Variants in PPFIA4 observed in about 807,000 individuals in gnomAD.
The protein encoded by PPFIA4 is PPFI scaffold protein A4, also known as liprin-alpha-4.
Under a neutral mutation model 145.7 loss-of-function variants are expected in PPFIA4, and 98 were observed. The observed-to-expected ratio is 0.67, with a 90% CI of 0.57 to 0.80. The LOEUF is 0.80. Ranked by LOEUF, PPFIA4 falls within the 30% of genes least tolerant of loss-of-function variation. The pLI, the probability that PPFIA4 is intolerant of heterozygous loss-of-function variation, is 0.00. For synonymous variants in PPFIA4, 628 were observed against 649.6 expected (o/e 0.97, Z 0.51); for missense variants, 1,457 against 1,632.7 (o/e 0.89, Z 1.85).
In PPFIA4 at chr1:203,043,152, T is replaced by G. The variant is rs1385083951; in HGVS notation, c.235-245T>G. On this transcript the variant is annotated intron_variant, in intron 2 of 29. Coordinates refer to ENST00000295706, the MANE Select transcript of PPFIA4 (RefSeq NM_001304331.2). This position sits in a 1 kb window ranked among gnomAD's most constrained non-coding sequence, Gnocchi z 4.4. ...AGACTCAGTGACTTTCTCACTCTTGTGTACAACTCTGTTCCCTTGGATTCT... is the reference window on the plus strand; with the variant it reads ...AGACTCAGTGACTTTCTCACTCTTGGGTACAACTCTGTTCCCTTGGATTCT... Among the ~76,000 whole-genome samples, 1 of 152,236 alleles carries G rather than the reference T, an allele frequency of 6.6e-6. No individual in the cohort carries two copies. The highest frequency in any genetic ancestry group is 1.5e-5 in the Non-Finnish European group (1 of 68,046).
Position 203,060,672 on chromosome 1 carries a change from G to A in PPFIA4, c.2784+255G>A, listed in dbSNP as rs1348808860. ...ATCCCTACTCTGCCAAAATTTCCAC[G>A]TCTCTGGGCAGTTTCCAGGATGGGC... is the stretch of plus-strand genomic sequence containing the variant. On this transcript the variant is annotated intron_variant, in intron 22 of 29. Transcript: ENST00000295706. The surrounding 1 kb of genome is among the most constrained non-coding windows in gnomAD (Gnocchi z 4.8). Among the ~76,000 whole-genome samples the A allele has an allele frequency of 3.3e-5, 5 of 152,262 alleles. No individual in the cohort carries two copies. Among genetic ancestry groups the A allele is most frequent in the South Asian group, 2.1e-4 (1 of 4,822 alleles).
At position 203,076,533 on chromosome 1, in the gene PPFIA4, T is replaced by G; in HGVS notation, c.*143T>G. On this transcript the variant is annotated 3_prime_UTR_variant, in exon 30 of 30. Transcript: ENST00000295706. Reference sequence around the variant, plus strand: ...TGCCCTGGATCTCAGAATATATTCGTCCACCCCCTCGGCACCCCATTACCC... The same window carrying G: ...TGCCCTGGATCTCAGAATATATTCGGCCACCCCCTCGGCACCCCATTACCC... 1 of 801,062 alleles carries G rather than the reference T, an allele frequency of 1.2e-6. No individual in the cohort carries two copies. The highest frequency in any genetic ancestry group is 2.0e-6 in the Non-Finnish European group (1 of 488,364). The allele number at this position is 801,062 out of a possible 1,614,324, so 49.6% of individuals were successfully genotyped here.
intron 1 of PPFIA4, among the ~76,000 whole-genome samples, chr1:203,036,281 G>A (rs1199169681): frequency 6.6e-6 from 1 of 152,260 alleles, no homozygotes; most frequent in East Asian, 1.9e-4. Context: ...TCTTGTAGCC[G>A]AAGCCTCAGT....
At chr1:203,051,069 C>G in intron 13 of PPFIA4, 2 of 915,656 alleles carry the variant, frequency 2.2e-6, no homozygotes, top group Non-Finnish European at 2.6e-6. Flanking sequence ...CTCAAGGGTT[C>G]CAAGTAGGAA....
Position 203,056,378 on chromosome 1 carries a change from C to G in PPFIA4, c.2110C>G (p.Pro704Ala). 1.9e-6 allele frequency: 3 copies of G among 1,613,798 alleles called. No homozygotes were observed. The highest frequency in any genetic ancestry group is 2.5e-6 in the Non-Finnish European group (3 of 1,179,764). ...GACGGCTCCACTGTCTGTTCAGTCGCCAGTGTCTCGGGAAGAGAACCGAGA... is the reference window on the plus strand; with the variant it reads ...GACGGCTCCACTGTCTGTTCAGTCGGCAGTGTCTCGGGAAGAGAACCGAGA... ...LRKHRRKLLS[P>A]VSREENREDK... Residue 704 changes from proline to alanine, a missense_variant, in exon 18 of 30, where the codon CCA becomes GCA. Pro to Ala is a conservative substitution (Grantham distance 27, BLOSUM62 -1). Coordinates refer to ENST00000295706, the MANE Select transcript of PPFIA4 (RefSeq NM_001304331.2).
chr1:203,041,511 G>A (rs1659692084), intron 2 of PPFIA4, among the ~76,000 whole-genome samples: 1 of 152,216 alleles, frequency 6.6e-6, no homozygotes, highest in Admixed American at 6.5e-5. Context: ...AGGATCGCCT[G>A]AGCCCAGGAG....
At position 203,043,835 on chromosome 1, in the gene PPFIA4, C is replaced by A; in HGVS notation, c.337-96C>A. The A allele has an allele frequency of 7.8e-7, 1 of 1,278,624 alleles. No homozygotes were observed. The allele number at this position is 1,278,624 out of a possible 1,614,324, so 79.2% of individuals were successfully genotyped here. A position where few individuals can be genotyped will look rare whatever the true frequency, so the allele number is the denominator to read the frequency against. On this transcript the variant is annotated intron_variant, in intron 3 of 29. Transcript: ENST00000295706. This position sits in a 1 kb window ranked among gnomAD's most constrained non-coding sequence, Gnocchi z 4.4. ...TGTTTTCACAGTGGGGTGGCTGTAACTCATGTCTGCTCGGGGATCACATGG... is the reference window on the plus strand; with the variant it reads ...TGTTTTCACAGTGGGGTGGCTGTAAATCATGTCTGCTCGGGGATCACATGG...
rs185943177 is a variant in PPFIA4, at chr1:203,048,818, G to A, written c.1357-100G>A. On this transcript the variant is annotated intron_variant, in intron 11 of 29. Coordinates refer to ENST00000295706, the MANE Select transcript of PPFIA4 (RefSeq NM_001304331.2). This position sits in a 1 kb window ranked among gnomAD's most constrained non-coding sequence, Gnocchi z 5.8. Reference sequence around the variant, plus strand: ...CAGGCGGGGTCTCAATGGGGTGGGTGGCCAGCCTGGAGAGGTGGGGCTGAG... The same window carrying A: ...CAGGCGGGGTCTCAATGGGGTGGGTAGCCAGCCTGGAGAGGTGGGGCTGAG... The A allele has an allele frequency of 2.1e-4, 322 of 1,530,298 alleles. 2 individuals carry two copies. In the East Asian group the frequency reaches 6.2e-3, roughly 29 times the overall value. 94.8% of individuals were successfully genotyped at this position (1,530,298 alleles called of 1,614,324 possible).
intron 28 of PPFIA4, among the ~76,000 whole-genome samples, chr1:203,072,766 T>C (rs1662258927): frequency 6.6e-6 from 1 of 152,348 alleles, no homozygotes. Context: ...CTATAAGGAA[T>C]ACACAGAATT....
chr1:203,048,775 G>A lies in PPFIA4; in HGVS notation c.1356+61G>A. 3 of 1,566,872 alleles carry A rather than the reference G, an allele frequency of 1.9e-6. No individual in the cohort carries two copies. The highest frequency in any genetic ancestry group is 2.6e-6 in the Non-Finnish European group (3 of 1,154,736). The stretch of plus-strand genomic sequence containing the variant: ...AGTGCTGGGTGTGGGGCGGGGGGAG[G>A]CGGGACTGTGATGGGCGCAGGCGGG... On this transcript the variant is annotated intron_variant, in intron 11 of 29. Transcript: ENST00000295706. This position sits in a 1 kb window ranked among gnomAD's most constrained non-coding sequence, Gnocchi z 5.8.
In PPFIA4 at chr1:203,067,707, G is replaced by A. The variant is rs1265770129; in HGVS notation, c.3063G>A (p.Gln1021=). ...MVDSFHRTSL[Q]YGIMCLKRLN... is the part of the protein sequence containing the mutation. ...TGTGTGCCTGCAGAACCAGTCTTCA[G>A]TATGGCATCATGTGTCTGAAGAGGC... Residue 1021 remains glutamine, a synonymous_variant, in exon 26 of 30, where the codon CAG becomes CAA. Transcript: ENST00000295706. The A allele has an allele frequency of 6.8e-6, 11 of 1,613,770 alleles. No individual in the cohort carries two copies. The highest frequency in any genetic ancestry group is 1.3e-5 in the African/African-American group (1 of 74,910).
At position 203,045,403 on chromosome 1, in the gene PPFIA4, C is replaced by T; in HGVS notation, c.702C>T (p.Leu234=). 6.2e-7 allele frequency: 1 copy of T among 1,607,620 alleles called. No individual in the cohort carries two copies. The highest frequency in any genetic ancestry group is 8.5e-7 in the Non-Finnish European group (1 of 1,177,772). The change falls in exon 7 of 30, where the codon CTC becomes CTT. Residue 234 remains leucine, a synonymous_variant. Coordinates refer to ENST00000295706, the MANE Select transcript of PPFIA4 (RefSeq NM_001304331.2). ...GCCGGGTAGAGGAGCTGCAGGAGCT[C>T]CTGGAGAAGCAGAACTTTGAGTTGA... The part of the protein sequence containing the change: ...DTGRVEELQE[L]LEKQNFELSQ...
At chr1:203,072,929 C>G (rs1217903988) in intron 28 of PPFIA4, among the ~76,000 whole-genome samples, 1 of 143,074 alleles carries the variant, frequency 7.0e-6, no homozygotes, top group African/African-American at 2.6e-5. Context: ...TCTGATAGAT[C>G]TGTTTTCCCA....
At chr1:203,067,137 AG>A (rs1246251228) in intron 25 of PPFIA4, among the ~76,000 whole-genome samples, 1 of 152,212 alleles carries the variant, frequency 6.6e-6, no homozygotes, top group African/African-American at 2.4e-5. Context: ...TTCCAGGCAG[AG>A]GCAGCCACCA....
chr1:203,047,128 A>G (rs1660143540), intron 9 of PPFIA4, among the ~76,000 whole-genome samples: 1 of 152,210 alleles, frequency 6.6e-6, no homozygotes, highest in Non-Finnish European at 1.5e-5. Context: ...AGCACCAGGC[A>G]CAGTGCTCGG....
At position 203,048,077 on chromosome 1, in the gene PPFIA4, C is replaced by T. The variant is rs1488304348; in HGVS notation, c.1141-150C>T. The T allele has an allele frequency of 2.6e-5, 18 of 692,232 alleles. No individual in the cohort carries two copies. The Admixed American group carries it at 4.5e-4, about 17-fold the overall frequency. 42.9% of individuals were successfully genotyped at this position (692,232 alleles called of 1,614,324 possible). A position where few individuals can be genotyped will look rare whatever the true frequency, so the allele number is the denominator to read the frequency against. Reference sequence around the variant, plus strand: ...AAGAAAGGCAATGGGGATGGTGGTCCTGCTCCAAGATGATAAGTGGAGGCT... The same window carrying T: ...AAGAAAGGCAATGGGGATGGTGGTCTTGCTCCAAGATGATAAGTGGAGGCT... On this transcript the variant is annotated intron_variant, in intron 9 of 29. Transcript: ENST00000295706. This position sits in a 1 kb window ranked among gnomAD's most constrained non-coding sequence, Gnocchi z 5.8.
chr1:203,054,218 C>A, intron 15 of PPFIA4: 1 of 652,918 alleles, frequency 1.5e-6, no homozygotes, highest in Non-Finnish European at 2.8e-6. Context: ...ATGCTGTGTT[C>A]CTGCAGCCCT....
chr1:203,052,679 A>G (rs4950876), intron 14 of PPFIA4, among the ~76,000 whole-genome samples: 94,811 of 152,002 alleles, frequency 0.62, 29,720 homozygotes, highest in African/African-American at 0.66. Context: ...AGGAGCCTGA[A>G]GGGGAGCTAG....
At chr1:203,034,617 A>G (rs1445082585) in intron 1 of PPFIA4, 7 of 456,628 alleles carry the variant, frequency 1.5e-5, no homozygotes, top group African/African-American at 1.4e-4. Flanking sequence ...GGCTGGGAGC[A>G]GAGATTTGGG....
Sources: allele counts gnomAD v4.1 joint callset (sites outside exome capture counted in the v4.1 genomes callset), GRCh38; gene constraint gnomAD v4.1.1; non-coding constraint Gnocchi (gnomAD v3.1); transcripts MANE v1.5; gene names NCBI Gene and HGNC (gene_info 2026-07-23, HGNC 2026-07-21).